ARHGAP6: variants seen among roughly 807,000 people sequenced by gnomAD.
The protein encoded by ARHGAP6 is Rho GTPase activating protein 6.
Under a neutral mutation model 55.7 loss-of-function variants are expected in ARHGAP6, and 16 were observed. The ratio of observed to expected loss-of-function variants is 0.29; its 90% confidence interval spans 0.19 to 0.44. The LOEUF (loss-of-function observed/expected upper bound fraction) is 0.44, where lower values mean the gene tolerates loss of function less well. Among genes scored for constraint, ARHGAP6 ranks in the 20% least tolerant of loss-of-function variants. ARHGAP6 has a pLI of 1.00. For synonymous variants in ARHGAP6, 382 were observed against 360.9 expected (o/e 1.06, Z -0.66); for missense variants, 698 against 808.9 (o/e 0.86, Z 1.66).
rs2046061563 is a variant in ARHGAP6, at chrX:11,169,645, T to C, written c.1669A>G (p.Ile557Val). The C allele has an allele frequency of 2.5e-6, 3 of 1,203,554 alleles. No individual in the cohort carries two copies. Among genetic ancestry groups the C allele is most frequent in the African/African-American group, 3.5e-5 (2 of 56,662 alleles). Residue 557 changes from isoleucine (I) to valine (V), a missense_variant, in exon 9 of 13, where the codon ATA becomes GTA. Coordinates refer to ENST00000337414, the MANE Select transcript of ARHGAP6 (RefSeq NM_013427.3). ...TTGTGCAGCAGGTTGGGTCCAAATA[T>C]GGTGGCTAAGTTTAGAGATGTCATT... ...NKMTSLNLATIFGPNLLHKQK... is the reference protein window; with the variant it reads ...NKMTSLNLATVFGPNLLHKQK...
chrX:11,466,692 C>T (rs141598001), intron 1 of ARHGAP6, among the ~76,000 whole-genome samples: 1,148 of 111,052 alleles, frequency 0.01, 4 homozygotes, highest in Non-Finnish European at 0.017. Flanking sequence ...CTTGTAGAGA[C>T]GAGGTCTCTC....
At chrX:11,336,953 G>A (rs1289172172) in intron 1 of ARHGAP6, among the ~76,000 whole-genome samples, 1 of 110,901 alleles carries the variant, frequency 9.0e-6, no homozygotes, top group Admixed American at 9.6e-5. Context: ...CCAGGGAGAC[G>A]TACACCGGGT....
At chrX:11,613,232 C>T (rs1472498866) in intron 1 of ARHGAP6, among the ~76,000 whole-genome samples, 1 of 112,252 alleles carries the variant, frequency 8.9e-6, no homozygotes, top group South Asian at 3.7e-4. Context: ...GGAATTGAGA[C>T]TGCAAAGCTG....
intron 1 of ARHGAP6, among the ~76,000 whole-genome samples, chrX:11,277,056 G>T (rs2147525944): frequency 9.1e-6 from 1 of 110,330 alleles, no homozygotes; most frequent in South Asian, 3.9e-4. Flanking sequence ...CCCAGCCCCT[G>T]GGAACCACTA....
intron 10 of ARHGAP6, among the ~76,000 whole-genome samples, chrX:11,151,457 T>G (rs1253218912): frequency 9.1e-6 from 1 of 110,373 alleles, no homozygotes; most frequent in African/African-American, 3.3e-5. Flanking sequence ...TTAGTAGAGA[T>G]GGGGTCTTGC....
chrX:11,210,699 G>A (rs1375167403), intron 2 of ARHGAP6, among the ~76,000 whole-genome samples: 2 of 111,766 alleles, frequency 1.8e-5, no homozygotes, highest in Non-Finnish European at 3.8e-5. Context: ...ACCGAAGATG[G>A]GTCAAATTTA....
At chrX:11,148,493 A>G in intron 10 of ARHGAP6, 1 of 213,478 alleles carries the variant, frequency 4.7e-6, no homozygotes, top group South Asian at 5.8e-5. Flanking sequence ...ACCAGTCTAC[A>G]TGGGTTTGCC....
intron 2 of ARHGAP6, among the ~76,000 whole-genome samples, chrX:11,214,376 A>G (rs2046847949): frequency 8.9e-6 from 1 of 112,195 alleles, no homozygotes; most frequent in Non-Finnish European, 1.9e-5. Flanking sequence ...TCCATTGATA[A>G]AAAGAATGCA....
At chrX:11,255,785 C>T (rs946301511) in intron 1 of ARHGAP6, among the ~76,000 whole-genome samples, 1 of 111,975 alleles carries the variant, frequency 8.9e-6, no homozygotes, top group East Asian at 2.8e-4. Context: ...TAAAAGTGTA[C>T]TCATGTGTAC....
intron 1 of ARHGAP6, among the ~76,000 whole-genome samples, chrX:11,646,102 G>A (rs2052523734): frequency 9.0e-6 from 1 of 111,272 alleles, no homozygotes; most frequent in Non-Finnish European, 1.9e-5. Flanking sequence ...TTCTTTGCAT[G>A]GTGGCAGGAA....
At chrX:11,550,870 T>C (rs1251204449) in intron 1 of ARHGAP6, among the ~76,000 whole-genome samples, 1 of 111,789 alleles carries the variant, frequency 8.9e-6, no homozygotes, top group Non-Finnish European at 1.9e-5. Flanking sequence ...GGGGCCCAGT[T>C]TGTGTGCTGG....
chrX:11,416,061 A>G (rs1412302279), intron 1 of ARHGAP6, among the ~76,000 whole-genome samples: 2 of 111,940 alleles, frequency 1.8e-5, no homozygotes, highest in African/African-American at 6.5e-5. Context: ...CTATGTGCAT[A>G]TATGTATGCA....
At chrX:11,492,430 A>G (rs756829470) in intron 1 of ARHGAP6, among the ~76,000 whole-genome samples, 36 of 111,782 alleles carry the variant, frequency 3.2e-4, no homozygotes, top group Non-Finnish European at 6.2e-4. Flanking sequence ...CTAGAAAAGA[A>G]TGGCTTAAAA....
At chrX:11,332,217 T>C (rs751589950) in intron 1 of ARHGAP6, among the ~76,000 whole-genome samples, 3 of 112,140 alleles carry the variant, frequency 2.7e-5, no homozygotes, top group Non-Finnish European at 5.6e-5. Flanking sequence ...CCTAGAAATA[T>C]GCTTTCTCTG....
chrX:11,266,224 G>A (rs1007031888), intron 1 of ARHGAP6, among the ~76,000 whole-genome samples: 6 of 110,479 alleles, frequency 5.4e-5, no homozygotes, highest in African/African-American at 2.0e-4. Context: ...TTTTCCACAG[G>A]GATCTACAAA....
Position 11,446,273 on chromosome X carries a change from T to A in ARHGAP6, c.589-191566A>T, listed in dbSNP as rs149863540. ...CAGAGTGAGAAAGGCAGATCATGAC[T>A]TCTGGTATCTTTTTTTAAGAATGGA... On this transcript the variant is annotated intron_variant, in intron 1 of 12. Coordinates refer to ENST00000337414, the MANE Select transcript of ARHGAP6 (RefSeq NM_013427.3). 6.9e-3 allele frequency among the ~76,000 whole-genome samples: 773 copies of A among 111,616 alleles called. 2 individuals are homozygous for A. The highest frequency in any genetic ancestry group is 0.023 in the Middle Eastern group (5 of 217).
At chrX:11,179,775 T>C (rs1355465849) in intron 6 of ARHGAP6, among the ~76,000 whole-genome samples, 2 of 105,477 alleles carry the variant, frequency 1.9e-5, no homozygotes, top group African/African-American at 6.9e-5. Context: ...CATATATATA[T>C]ATATATATAA....
intron 1 of ARHGAP6, among the ~76,000 whole-genome samples, chrX:11,404,178 C>T (rs2049583283): frequency 9.0e-6 from 1 of 111,564 alleles, no homozygotes; most frequent in African/African-American, 3.3e-5. Context: ...CTCTGATGAG[C>T]CTCTCCACTC....
chrX:11,645,562 G>A (rs1443514236), intron 1 of ARHGAP6, among the ~76,000 whole-genome samples: 4 of 111,940 alleles, frequency 3.6e-5, no homozygotes, highest in Admixed American at 9.5e-5. Flanking sequence ...ACAAACATAC[G>A]TATTTTATTT....
Sources: allele counts gnomAD v4.1 joint callset (sites outside exome capture counted in the v4.1 genomes callset), GRCh38; gene constraint gnomAD v4.1.1; transcripts MANE v1.5; gene names NCBI Gene and HGNC (gene_info 2026-07-23, HGNC 2026-07-21).